The following SPHKAP variants were observed in gnomAD, a reference collection of about 807,000 sequenced individuals.
SPHKAP encodes the protein A-kinase anchor protein SPHKAP.
SPHKAP carries 67 observed loss-of-function variants against 137.5 expected under a neutral mutation model. That is an observed-to-expected ratio of 0.49 (90% CI 0.40 to 0.60). SPHKAP has a LOEUF of 0.60. Ranked by LOEUF, SPHKAP falls within the 20% of genes least tolerant of loss-of-function variation. The pLI is 0.00. For missense variants in SPHKAP, 2,097 were observed against 2,069.3 expected, an observed-to-expected ratio of 1.01 and a Z score of -0.26; for synonymous variants, 813 against 785.3, an observed-to-expected ratio of 1.04 and a Z score of -0.59.
intron 1 of SPHKAP, among the ~76,000 whole-genome samples, chr2:228,174,314 T>C (rs1198705669): frequency 6.6e-6 from 1 of 152,194 alleles, no homozygotes; most frequent in East Asian, 1.9e-4. Context: ...TTTTTTTTTT[T>C]TCTCATATGC....
rs188798182 is a variant in SPHKAP, at chr2:228,077,944, C to A, written c.246+30888G>T. Among the ~76,000 whole-genome samples the A allele has an allele frequency of 7.2e-5, 11 of 152,272 alleles. No individual in the cohort carries two copies. The East Asian group carries it at 2.1e-3, about 29-fold the overall frequency. Reference sequence around the variant, plus strand: ...ATTATGGGAGCGGGTCTTTCCTGCACTGTTCTCATGTCAGTGAATGAGTCT... The same window carrying A: ...ATTATGGGAGCGGGTCTTTCCTGCAATGTTCTCATGTCAGTGAATGAGTCT... On this transcript the variant is annotated intron_variant, in intron 3 of 11. Transcript: ENST00000392056.
At chr2:228,028,088 C>G (rs1170502806) in intron 3 of SPHKAP, 3 of 984,290 alleles carry the variant, frequency 3.0e-6, no homozygotes, top group Non-Finnish European at 3.6e-6. Context: ...TTTCATGGCC[C>G]AACATACTAA....
intron 3 of SPHKAP, among the ~76,000 whole-genome samples, chr2:228,064,688 AGAG>A (rs1003535564): frequency 6.6e-6 from 1 of 152,174 alleles, no homozygotes; most frequent in African/African-American, 2.4e-5. Context: ...TTTCAGGAAG[AGAG>A]GAGAGGCTAA....
chr2:228,116,373 C>T (rs902443768), intron 2 of SPHKAP, among the ~76,000 whole-genome samples: 1 of 152,128 alleles, frequency 6.6e-6, no homozygotes, highest in Non-Finnish European at 1.5e-5. Flanking sequence ...CAACGCAAGG[C>T]AAGTCACTTA....
chr2:228,141,149 T>C (rs924564976), intron 1 of SPHKAP, among the ~76,000 whole-genome samples: 1 of 152,214 alleles, frequency 6.6e-6, no homozygotes, highest in Non-Finnish European at 1.5e-5. Context: ...GTCATCTAAG[T>C]GAGTCTAAAT....
chr2:228,082,042 C>T (rs894855629), intron 3 of SPHKAP, among the ~76,000 whole-genome samples: 8 of 152,154 alleles, frequency 5.3e-5, no homozygotes, highest in African/African-American at 7.2e-5. Context: ...CAAAACAGCA[C>T]GTTGTACATG....
chr2:228,040,583 T>A (rs571633472), intron 3 of SPHKAP, among the ~76,000 whole-genome samples: 1 of 152,334 alleles, frequency 6.6e-6, no homozygotes, highest in Non-Finnish European at 1.5e-5. Flanking sequence ...TCTTTTTTTA[T>A]TGTCAGCATT....
At chr2:228,001,402 T>C (rs1341250460) in intron 7 of SPHKAP, among the ~76,000 whole-genome samples, 2 of 142,204 alleles carry the variant, frequency 1.4e-5, no homozygotes. Context: ...TAAATATATA[T>C]ACATAAATAT....
Position 228,112,240 on chromosome 2 carries a change from C to T in SPHKAP, c.139-3301G>A, listed in dbSNP as rs144158554. On this transcript the variant is annotated intron_variant, in intron 2 of 11. Coordinates refer to ENST00000392056, the MANE Select transcript of SPHKAP (RefSeq NM_001142644.2). ...TAAAGATTTAAAATACAGGTATCAT[C>T]GCTTCTTGGCCTTTTGGCTAAGATC... Among the ~76,000 whole-genome samples, 1,181 of 152,198 alleles carry T rather than the reference C, an allele frequency of 7.8e-3. 13 individuals are homozygous for T. Among genetic ancestry groups the T allele is most frequent in the African/African-American group, 0.027 (1,102 of 41,528 alleles).
At chr2:228,157,283 G>C (rs1383003255) in intron 1 of SPHKAP, among the ~76,000 whole-genome samples, 3 of 152,162 alleles carry the variant, frequency 2.0e-5, no homozygotes, top group Non-Finnish European at 4.4e-5. Context: ...AAGTCACACA[G>C]TAGGTCATAG....
chr2:228,119,190 G>A, intron 2 of SPHKAP, among the ~76,000 whole-genome samples: 1 of 152,080 alleles, frequency 6.6e-6, no homozygotes, highest in East Asian at 1.9e-4. Flanking sequence ...TGTGCCTGGT[G>A]TGTTTGAAGG....
chr2:228,173,798 A>C (rs562354927), intron 1 of SPHKAP, among the ~76,000 whole-genome samples: 1 of 152,336 alleles, frequency 6.6e-6, no homozygotes, highest in African/African-American at 2.4e-5. Context: ...AAAAGCAGCA[A>C]TAGAAAAGCA....
At chr2:228,167,297 AT>A (rs945555356) in intron 1 of SPHKAP, among the ~76,000 whole-genome samples, 6 of 151,714 alleles carry the variant, frequency 4.0e-5, no homozygotes, top group African/African-American at 1.5e-4. Context: ...AAGTCACCAC[AT>A]TTTTTTTCAC....
In SPHKAP at chr2:228,018,926, A is replaced by T; in HGVS notation, c.1928T>A (p.Met643Lys). The change falls in exon 7 of 12, where the codon ATG becomes AAG. Residue 643 changes from methionine (M) to lysine (K), a missense_variant. By Grantham distance (95) the Met-to-Lys change is moderately conservative. Transcript: ENST00000392056. Reference sequence around the variant, plus strand: ...AGCAGTTTCCATGATTCTCCTGTTCATGGAGTCCAGAAAGTCTCCAATGCT... The same window carrying T: ...AGCAGTTTCCATGATTCTCCTGTTCTTGGAGTCCAGAAAGTCTCCAATGCT... ...YSSIGDFLDS[M>K]NRRIMETASK... is the part of the protein sequence containing the mutation. 1 of 1,614,192 alleles carries T rather than the reference A, an allele frequency of 6.2e-7. No homozygotes were observed. The highest frequency in any genetic ancestry group is 2.2e-5 in the East Asian group (1 of 44,880).
chr2:228,068,838 A>G (rs1314598541), intron 3 of SPHKAP, among the ~76,000 whole-genome samples: 1 of 152,222 alleles, frequency 6.6e-6, no homozygotes, highest in African/African-American at 2.4e-5. Flanking sequence ...TATGCAGCTC[A>G]TCTCCTGAAA....
At chr2:228,080,452 G>T (rs951893821) in intron 3 of SPHKAP, among the ~76,000 whole-genome samples, 3 of 152,106 alleles carry the variant, frequency 2.0e-5, no homozygotes, top group African/African-American at 7.2e-5. Flanking sequence ...CACGCCAGTA[G>T]TCCCAGCACT....
At chr2:228,073,586 C>T (rs920689316) in intron 3 of SPHKAP, among the ~76,000 whole-genome samples, 1 of 152,182 alleles carries the variant, frequency 6.6e-6, no homozygotes, top group Admixed American at 6.5e-5. Context: ...ATAAACAGAG[C>T]CTGACACTTC....
intron 2 of SPHKAP, among the ~76,000 whole-genome samples, chr2:228,114,696 G>A (rs896029148): frequency 3.9e-5 from 6 of 152,088 alleles, no homozygotes; most frequent in Middle Eastern, 6.8e-3. Context: ...CTGTTTCATC[G>A]AACATTTTCT....
chr2:228,178,522 G>C (rs1478504682), intron 1 of SPHKAP, among the ~76,000 whole-genome samples: 1 of 152,096 alleles, frequency 6.6e-6, no homozygotes, highest in Non-Finnish European at 1.5e-5. Flanking sequence ...GAACACACTG[G>C]ATGGATGTCC....
Sources: allele counts gnomAD v4.1 joint callset (sites outside exome capture counted in the v4.1 genomes callset), GRCh38; gene constraint gnomAD v4.1.1; transcripts MANE v1.5; gene names NCBI Gene and HGNC (gene_info 2026-07-23, HGNC 2026-07-21).